Variants in GPM6A observed in about 807,000 individuals in gnomAD.
GPM6A encodes the protein neuronal membrane glycoprotein M6-a.
GPM6A carries 7 observed loss-of-function variants against 32.1 expected under a neutral mutation model. That is an observed-to-expected ratio of 0.22 (90% confidence interval 0.12 to 0.41). The LOEUF (loss-of-function observed/expected upper bound fraction) is 0.41. GPM6A is among the 10% of genes least tolerant of loss of function. The pLI, the probability that GPM6A is intolerant of heterozygous loss-of-function variation, is 1.00. For synonymous variants in GPM6A, 130 were observed against 123.4 expected, an observed-to-expected ratio of 1.05 and a Z score of -0.35; for missense variants, 235 against 347.2, an observed-to-expected ratio of 0.68 and a Z score of 2.57.
chr4:175,732,986 T>C (rs1731497489), intron 1 of GPM6A, among the ~76,000 whole-genome samples: 1 of 152,172 alleles, frequency 6.6e-6, no homozygotes, highest in Admixed American at 6.5e-5. Context: ...AGAGTTAAGC[T>C]ATAAGCCACA....
rs560696673 is a variant in GPM6A, at chr4:175,720,788, T to C, written c.38-19021A>G. 2.6e-4 allele frequency among the ~76,000 whole-genome samples: 40 copies of C among 152,100 alleles called. No individual in the cohort carries two copies. In the South Asian group the frequency reaches 7.2e-3, roughly 28 times the overall value. On this transcript the variant is annotated intron_variant, in intron 1 of 6. Transcript: ENST00000393658. ...GTCCAGTCAAATTATATTGGAAAAA[T>C]ATATACTGAATTCACAGCAAGAGAA...
At chr4:175,734,171 TC>T (rs1731556287) in intron 1 of GPM6A, among the ~76,000 whole-genome samples, 1 of 150,570 alleles carries the variant, frequency 6.6e-6, no homozygotes, top group African/African-American at 2.4e-5. Context: ...TTTTTTAATT[TC>T]AACATCTGAT....
chr4:175,908,258 T>C (rs529700504), intron 1 of GPM6A, among the ~76,000 whole-genome samples: 46 of 152,274 alleles, frequency 3.0e-4, no homozygotes, highest in African/African-American at 1.1e-3. Context: ...GCAGATGCCC[T>C]ATTACCACTC....
At chr4:175,636,921 C>T (rs1265031257) in intron 6 of GPM6A, among the ~76,000 whole-genome samples, 3 of 134,272 alleles carry the variant, frequency 2.2e-5, no homozygotes, top group African/African-American at 5.6e-5. Context: ...AATTTCTTTT[C>T]AGTATTTCAC....
In GPM6A at chr4:175,787,399, C is replaced by A. The variant is rs1334145907; in HGVS notation, c.37+24792G>T. The A allele has an allele frequency of 2.0e-6, 3 of 1,534,836 alleles. No individual in the cohort carries two copies. In the African/African-American group the frequency reaches 4.1e-5, roughly 21 times the overall value. On this transcript the variant is annotated intron_variant, in intron 1 of 6. Transcript: ENST00000393658. ...CTGGCTCCTTGTGAACTCTATTTTC[C>A]CTTGATTCAAGGGCATAAGCTCTCT...
At position 175,850,640 on chromosome 4, in the gene GPM6A, G is replaced by A. The variant is rs575857553; in HGVS notation, c.-22-38391C>T. Among the ~76,000 whole-genome samples the A allele has an allele frequency of 8.6e-5, 13 of 152,000 alleles. No individual in the cohort carries two copies. In the East Asian group the frequency reaches 2.5e-3, roughly 29 times the overall value. ...AACTATTTCACCATAAATAATCTCA[G>A]GTGGAATTTTCTTAGACCCCAATAT... On this transcript the variant is annotated intron_variant, in intron 1 of 7. Coordinates refer to the GPM6A transcript ENST00000280187.
chr4:175,795,793 T>C (rs1435686239), intron 1 of GPM6A: 5 of 152,160 alleles, frequency 3.3e-5, no homozygotes, highest in African/African-American at 1.2e-4. Context: ...AAAAGTACCG[T>C]GGCTTCCAAC....
intron 1 of GPM6A, among the ~76,000 whole-genome samples, chr4:175,922,299 A>G (rs909870614): frequency 2.6e-5 from 4 of 152,154 alleles, no homozygotes; most frequent in East Asian, 3.9e-4. Flanking sequence ...AAGTCCCACA[A>G]TGGTCTTCTT....
At chr4:175,920,964 C>T (rs1045692679) in intron 1 of GPM6A, among the ~76,000 whole-genome samples, 2 of 152,062 alleles carry the variant, frequency 1.3e-5, no homozygotes, top group African/African-American at 2.4e-5. Flanking sequence ...ATTGTCAAAG[C>T]ATATGCTTCT....
At chr4:175,857,569 T>A (rs1261967813) in intron 1 of GPM6A, among the ~76,000 whole-genome samples, 1 of 152,094 alleles carries the variant, frequency 6.6e-6, no homozygotes, top group Non-Finnish European at 1.5e-5. Flanking sequence ...ATGACAGATG[T>A]AAACCTAACC....
intron 1 of GPM6A, among the ~76,000 whole-genome samples, chr4:175,803,547 T>C (rs1268914574): frequency 6.6e-6 from 1 of 152,176 alleles, no homozygotes; most frequent in Non-Finnish European, 1.5e-5. Context: ...CCAGGAATTG[T>C]AATAGGCGCT....
rs1157336039 is a variant in GPM6A, at chr4:175,673,859, T to A, written c.231-23A>T. 4 of 1,558,400 alleles carry A rather than the reference T, an allele frequency of 2.6e-6. No individual in the cohort carries two copies. In the South Asian group the frequency reaches 4.6e-5, roughly 18 times the overall value. On this transcript the variant is annotated intron_variant, in intron 2 of 6. Transcript: ENST00000393658. The stretch of plus-strand genomic sequence containing the variant: ...ATCCTGAGAGAAAAGACAAAGTGAT[T>A]TATTTCAATAACTTTTCATTGCTGC...
chr4:175,941,846 C>T (rs981690520), intron 1 of GPM6A, among the ~76,000 whole-genome samples: 3 of 152,118 alleles, frequency 2.0e-5, no homozygotes, highest in Admixed American at 2.0e-4. Flanking sequence ...AATAAACATA[C>T]GTGTGCATGT....
intron 1 of GPM6A, among the ~76,000 whole-genome samples, chr4:175,752,673 T>C (rs1579460275): frequency 6.6e-6 from 1 of 152,162 alleles, no homozygotes; most frequent in Non-Finnish European, 1.5e-5. Flanking sequence ...AACCAGCCTT[T>C]ATTTCTATCT....
At chr4:175,718,751 A>G (rs1745969987) in intron 1 of GPM6A, among the ~76,000 whole-genome samples, 1 of 152,230 alleles carries the variant, frequency 6.6e-6, no homozygotes, top group African/African-American at 2.4e-5. Context: ...CAAAGATGGG[A>G]TCATCTACCA....
chr4:175,799,737 C>G (rs1443259313), intron 1 of GPM6A, among the ~76,000 whole-genome samples: 2 of 132,168 alleles, frequency 1.5e-5, no homozygotes, highest in East Asian at 4.5e-4. Context: ...TGCAGTGGCG[C>G]AATCTCGGCT....
intron 1 of GPM6A, among the ~76,000 whole-genome samples, chr4:175,727,726 G>T (rs1731240819): frequency 6.6e-6 from 1 of 152,088 alleles, no homozygotes; most frequent in African/African-American, 2.4e-5. Context: ...GGCGTGGGCT[G>T]GGCATGGTGG....
intron 1 of GPM6A, among the ~76,000 whole-genome samples, chr4:175,837,490 G>A (rs371885308): frequency 1.3e-5 from 2 of 152,206 alleles, no homozygotes; most frequent in East Asian, 3.9e-4. Flanking sequence ...AACCCAGAAG[G>A]GAGAGAATGA....
chr4:175,988,638 G>T (rs1440935063), intron 1 of GPM6A, among the ~76,000 whole-genome samples: 1 of 152,146 alleles, frequency 6.6e-6, no homozygotes, highest in Non-Finnish European at 1.5e-5. Flanking sequence ...TAAAGATGCA[G>T]TGATCAAAAC....
Sources: allele counts gnomAD v4.1 joint callset (sites outside exome capture counted in the v4.1 genomes callset), GRCh38; gene constraint gnomAD v4.1.1; transcripts MANE v1.5; gene names NCBI Gene and HGNC (gene_info 2026-07-23, HGNC 2026-07-21).